The following TNRC6C variants were observed in gnomAD, a reference collection of about 807,000 sequenced individuals.
The protein encoded by TNRC6C is trinucleotide repeat containing adaptor 6C.
TNRC6C carries 20 observed loss-of-function variants against 153.7 expected under a neutral mutation model. The ratio of observed to expected loss-of-function variants is 0.13; its 90% CI spans 0.09 to 0.19. The LOEUF is 0.19. TNRC6C is among the 10% of genes least tolerant of loss of function. The probability of loss-of-function intolerance (pLI) is 1.00; values close to 1 mark genes in which losing one functional copy is unlikely to be tolerated. For synonymous variants in TNRC6C, 811 were observed against 841.4 expected (o/e 0.96, Z 0.63); for missense variants, 1,987 against 2,172.0 (o/e 0.91, Z 1.69).
upstream of TNRC6C, among the ~76,000 whole-genome samples, chr17:78,002,674 C>A (rs2071431278): frequency 6.6e-6 from 1 of 152,164 alleles, no homozygotes; most frequent in Admixed American, 6.5e-5. Context: ...GGGAGGATCA[C>A]TTGAGGCCAG....
chr17:78,079,458 C>A lies in TNRC6C; in HGVS notation c.3274C>A (p.Gln1092Lys). Residue 1092 changes from glutamine to lysine, a missense_variant, in exon 10 of 20, where the codon CAG becomes AAG. Physicochemically the swap from Gln to Lys is moderately conservative, Grantham distance 53. This residue lies in a region of TNRC6C where 765 missense variants were observed against 908.6 expected (regional missense o/e 0.84). Coordinates refer to ENST00000301624, the Ensembl canonical transcript of TNRC6C. This position sits in a 1 kb window ranked among gnomAD's most constrained non-coding sequence, Gnocchi z 4.3. ...AGCAGCACAAGCCAGGACCATGCAG[C>A]AGCCGCCACAGCCACCAGTGCAGCC... 6.2e-7 allele frequency: 1 copy of A among 1,613,904 alleles called. No homozygotes were observed.
chr17:78,037,605 G>A lies in TNRC6C; in HGVS notation c.-219+5763G>A, dbSNP rs532015148. On this transcript the variant is annotated intron_variant, in intron 2 of 19. Coordinates refer to ENST00000301624, the Ensembl canonical transcript of TNRC6C. ...GGAGTGACCTGCATGCATGAAAAGC[G>A]CAGACCCGCAGTTGTAAAGCCTCTC... Among the ~76,000 whole-genome samples the A allele has an allele frequency of 9.9e-5, 15 of 152,278 alleles. No individual in the cohort carries two copies. In the South Asian group the frequency reaches 2.3e-3, roughly 23 times the overall value.
intron 2 of TNRC6C, among the ~76,000 whole-genome samples, chr17:78,037,037 T>A (rs2072193380): frequency 6.6e-6 from 1 of 152,226 alleles, no homozygotes; most frequent in African/African-American, 2.4e-5. Flanking sequence ...AAATAGTAGA[T>A]TAATCTGACT....
chr17:78,100,901 G>A (rs550556748), intron 17 of TNRC6C, among the ~76,000 whole-genome samples: 9 of 148,616 alleles, frequency 6.1e-5, no homozygotes, highest in East Asian at 4.0e-4. Flanking sequence ...TCAGCCTCCC[G>A]AGTAGCTGGG....
At chr17:78,002,691 G>A (rs542603786), upstream of TNRC6C, among the ~76,000 whole-genome samples, 13 of 152,232 alleles carry the variant, frequency 8.5e-5, no homozygotes, top group East Asian at 1.9e-4. Context: ...CCAGGAGTTC[G>A]AGACTAGCCT....
At chr17:78,090,841 G>C (rs930728156) in intron 13 of TNRC6C, among the ~76,000 whole-genome samples, 19 of 152,176 alleles carry the variant, frequency 1.2e-4, no homozygotes, top group Non-Finnish European at 2.5e-4. Context: ...GCAGACTTTT[G>C]TAAAGGAAAC....
intron 1 of TNRC6C, among the ~76,000 whole-genome samples, chr17:78,030,754 T>C (rs1246791769): frequency 1.3e-5 from 2 of 152,170 alleles, no homozygotes; most frequent in African/African-American, 2.4e-5. Context: ...GTGGTTCTCA[T>C]AGAGAGGTGC....
intron 17 of TNRC6C, among the ~76,000 whole-genome samples, chr17:78,101,087 C>T (rs2073585532): frequency 6.6e-6 from 1 of 152,140 alleles, no homozygotes. Context: ...ATTTTCTGAA[C>T]TTTCATGTTC....
exon 5 of TNRC6C, chr17:78,067,895 G>T (rs769043024): frequency 1.2e-6 from 2 of 1,612,080 alleles, no homozygotes; most frequent in Admixed American, 3.4e-5. Flanking sequence ...AGCTCCTGGG[G>T]GAACGCCCCC....
In TNRC6C at chr17:78,104,515, C is replaced by T. The variant is rs755110597; in HGVS notation, c.4743C>T (p.Ala1581=). 1.8e-5 allele frequency: 28 copies of T among 1,525,286 alleles called. No individual in the cohort carries two copies. Among genetic ancestry groups the T allele is most frequent in the Middle Eastern group, 1.7e-4 (1 of 5,800 alleles). 94.5% of individuals were successfully genotyped at this position (1,525,286 alleles called of 1,614,324 possible). A position where few individuals can be genotyped will look rare whatever the true frequency, so the allele number is the denominator to read the frequency against. The change falls in exon 20 of 20, where the codon GCC becomes GCT. Residue 1581 remains alanine, a synonymous_variant. Coordinates refer to ENST00000301624, the Ensembl canonical transcript of TNRC6C. This position sits in a 1 kb window ranked among gnomAD's most constrained non-coding sequence, Gnocchi z 6.2. ...TCCTGGGAAACACTACCATCCTGGC[C>T]GAGTTCGCTGGTGAAGAAGAAGTGA...
At chr17:78,023,686 G>A (rs779650009) in intron 1 of TNRC6C, among the ~76,000 whole-genome samples, 3 of 152,030 alleles carry the variant, frequency 2.0e-5, no homozygotes, top group Admixed American at 1.3e-4. Context: ...CACATCTGTC[G>A]TCCTAGCCAC....
exon 3 of TNRC6C, chr17:78,050,338 A>T (rs1395013498): frequency 6.2e-7 from 1 of 1,607,052 alleles, no homozygotes; most frequent in African/African-American, 1.3e-5. Flanking sequence ...AGATAAAGGG[A>T]TTATAGACCA....
chr17:78,030,900 A>G (rs2072059312), intron 1 of TNRC6C, among the ~76,000 whole-genome samples: 1 of 152,026 alleles, frequency 6.6e-6, no homozygotes, highest in African/African-American at 2.4e-5. Flanking sequence ...GGAGTTCGAG[A>G]CCAGCCTGGC....
rs147556431 is a variant in TNRC6C, at chr17:78,040,795, C to T, written c.-218-8050C>T. On this transcript the variant is annotated intron_variant, in intron 2 of 19. Transcript: ENST00000301624. ...AGGAAGATCGGTTTAGTGTCAGCTG[C>T]AATTAGATAATCAAAGCTGTAAAAT... Among the ~76,000 whole-genome samples, 1,218 of 152,264 alleles carry T rather than the reference C, an allele frequency of 8.0e-3. 13 individuals carry two copies. Among genetic ancestry groups the T allele is most frequent in the Non-Finnish European group, 0.013 (902 of 68,000 alleles).
At chr17:78,010,800 G>T (rs1479167311) in intron 1 of TNRC6C, among the ~76,000 whole-genome samples, 2 of 151,134 alleles carry the variant, frequency 1.3e-5, no homozygotes, top group African/African-American at 4.9e-5. Context: ...TTTTTTCCAT[G>T]GAAACAAAAA....
chr17:78,055,941 C>T (rs944790665), intron 3 of TNRC6C, among the ~76,000 whole-genome samples: 1 of 152,292 alleles, frequency 6.6e-6, no homozygotes, highest in Non-Finnish European at 1.5e-5. Flanking sequence ...TAAAATATTA[C>T]ATCCATGACA....
intron 6 of TNRC6C, 28 bp from the exon 9 acceptor site, chr17:78,073,009 C>T (rs1194712050): frequency 1.6e-5 from 25 of 1,523,476 alleles, no homozygotes; most frequent in South Asian, 6.0e-5. Context: ...TTAATGTGCA[C>T]TAATGAAAAC....
intron 1 of TNRC6C, among the ~76,000 whole-genome samples, chr17:77,989,775 G>A (rs1488602222): frequency 6.6e-6 from 1 of 152,186 alleles, no homozygotes; most frequent in African/African-American, 2.4e-5. Flanking sequence ...ATGTTTGAAT[G>A]AGTGAATCAT....
At chr17:77,975,523 C>T (rs1025173276) in intron 1 of TNRC6C, among the ~76,000 whole-genome samples, 1 of 152,192 alleles carries the variant, frequency 6.6e-6, no homozygotes, top group Non-Finnish European at 1.5e-5. Context: ...CCTATAAAGG[C>T]AGCTACACAT....
Sources: gnomAD v4.1 joint callset for allele counts (sites outside exome capture counted in the v4.1 genomes callset) on GRCh38, gnomAD v4.1.1 for gene constraint, gnomAD v4.1.1 regional missense constraint, Gnocchi (gnomAD v3.1) non-coding constraint, MANE v1.5 for transcripts, NCBI Gene and HGNC (gene_info 2026-07-23, HGNC 2026-07-21) for gene names.